FMN1: variants seen among roughly 807,000 people sequenced by gnomAD.
The protein encoded by FMN1 is formin-1.
In FMN1, 110 loss-of-function variants were observed where a neutral mutation model predicts 132.4. The observed-to-expected ratio is 0.83, with a 90% CI of 0.71 to 0.97. The LOEUF is 0.97. FMN1 is among the 50% of genes least tolerant of loss of function. The pLI, the probability that FMN1 is intolerant of heterozygous loss-of-function variation, is 0.00. For synonymous variants in FMN1, 722 were observed against 651.7 expected (o/e 1.11, Z -1.64); for missense variants, 1,792 against 1,705.3 (o/e 1.05, Z -0.90).
chr15:32,850,141 C>T (rs930591506), intron 17 of FMN1, among the ~76,000 whole-genome samples: 1 of 152,210 alleles, frequency 6.6e-6, no homozygotes, highest in African/African-American at 2.4e-5. Flanking sequence ...TGTTCTCTAG[C>T]CATACTTCTT....
At chr15:33,044,907 A>G (rs533426614) in intron 6 of FMN1, among the ~76,000 whole-genome samples, 1 of 152,350 alleles carries the variant, frequency 6.6e-6, no homozygotes, top group African/African-American at 2.4e-5. Context: ...TTGTGAGACA[A>G]GAACTTGGGA....
chr15:33,100,566 T>C (rs899090778), intron 4 of FMN1, among the ~76,000 whole-genome samples: 1 of 152,126 alleles, frequency 6.6e-6, no homozygotes, highest in African/African-American at 2.4e-5. Flanking sequence ...AGAGAAGCAG[T>C]TGCAGCAACA....
At chr15:32,816,822 C>T (rs1298491692) in intron 17 of FMN1, among the ~76,000 whole-genome samples, 1 of 152,200 alleles carries the variant, frequency 6.6e-6, no homozygotes, top group Non-Finnish European at 1.5e-5. Context: ...TTTATTCACA[C>T]CTTATACTCA....
At chr15:32,822,408 T>C (rs759775299) in intron 17 of FMN1, among the ~76,000 whole-genome samples, 35 of 152,204 alleles carry the variant, frequency 2.3e-4, no homozygotes, top group Admixed American at 1.4e-3. Flanking sequence ...AGGCTCTGCG[T>C]TTCTCAAAAG....
At chr15:32,843,335 C>T (rs867447194) in intron 17 of FMN1, among the ~76,000 whole-genome samples, 21 of 152,174 alleles carry the variant, frequency 1.4e-4, no homozygotes, top group Middle Eastern at 3.2e-3. Context: ...CACGCTGGAA[C>T]CTATTTCACA....
At chr15:33,098,770 C>T (rs1445006966) in intron 4 of FMN1, among the ~76,000 whole-genome samples, 1 of 152,172 alleles carries the variant, frequency 6.6e-6, no homozygotes, top group Non-Finnish European at 1.5e-5. Context: ...TCTTCTACCA[C>T]CACAGCTCTT....
chr15:33,009,199 A>C (rs1341643420), intron 6 of FMN1, among the ~76,000 whole-genome samples: 1 of 152,156 alleles, frequency 6.6e-6, no homozygotes, highest in Non-Finnish European at 1.5e-5. Context: ...GGTAGTGACC[A>C]CTTGTCATTA....
chr15:32,787,169 A>C (rs2056908771), intron 19 of FMN1, among the ~76,000 whole-genome samples: 1 of 152,364 alleles, frequency 6.6e-6, no homozygotes, highest in South Asian at 2.1e-4. Context: ...CAACAAACTC[A>C]TTAATTTCTC....
chr15:32,823,254 T>C (rs771466981), intron 17 of FMN1, among the ~76,000 whole-genome samples: 21 of 143,030 alleles, frequency 1.5e-4, no homozygotes, highest in East Asian at 1.3e-3. Context: ...CTCTGCCTCC[T>C]GGGTTCACAC....
At chr15:32,850,249 T>A (rs1056042754) in intron 17 of FMN1, among the ~76,000 whole-genome samples, 1 of 152,238 alleles carries the variant, frequency 6.6e-6, no homozygotes, top group Non-Finnish European at 1.5e-5. Flanking sequence ...CCTTAGTGGT[T>A]GAATATGGTG....
At chr15:33,088,122 G>A (rs925631760) in intron 5 of FMN1, among the ~76,000 whole-genome samples, 2 of 152,074 alleles carry the variant, frequency 1.3e-5, no homozygotes, top group African/African-American at 2.4e-5. Context: ...CTGCTTACAT[G>A]ATGGGTGCAC....
intron 17 of FMN1, among the ~76,000 whole-genome samples, chr15:32,826,195 T>C (rs1333412817): frequency 6.6e-6 from 1 of 152,182 alleles, no homozygotes; most frequent in South Asian, 2.1e-4. Context: ...TTCCCACACA[T>C]GTCAAGAGGG....
chr15:32,908,006 T>G (rs533378215), intron 12 of FMN1, among the ~76,000 whole-genome samples: 3 of 151,572 alleles, frequency 2.0e-5, no homozygotes. Context: ...ATGTACAGAG[T>G]GAGGGTGAGA....
rs189244045 is a variant in FMN1 at position 33,076,214 on chromosome 15, C to T, written c.2044-11140G>A. On this transcript the variant is annotated intron_variant, in intron 5 of 20. Transcript: ENST00000616417. ...TTCCCAAAGTGAAGGCATAATATTG[C>T]TGTTCCATATGGCTAATGACAGCAG... Among the ~76,000 whole-genome samples the T allele has an allele frequency of 2.9e-4, 44 of 152,240 alleles. No homozygotes were observed. The East Asian group carries it at 7.5e-3, about 26-fold the overall frequency.
chr15:32,962,447 C>T (rs2030681038), intron 9 of FMN1, among the ~76,000 whole-genome samples: 1 of 151,874 alleles, frequency 6.6e-6, no homozygotes, highest in Middle Eastern at 3.2e-3. Flanking sequence ...GACTTCATGT[C>T]TAAAACACCA....
chr15:33,010,575 T>A lies in FMN1; in HGVS notation c.2162-2500A>T, dbSNP rs533675281. 3.3e-5 allele frequency among the ~76,000 whole-genome samples: 5 copies of A among 152,274 alleles called. 1 individual carries two copies. The South Asian group carries it at 1.0e-3, about 32-fold the overall frequency. On this transcript the variant is annotated intron_variant, in intron 6 of 20. Transcript: ENST00000616417. ...TTGTTGATATTCATCATTTTTCTACTGCTACTAGCAGATGTAATGGATGAG... is the reference window on the plus strand; with the variant it reads ...TTGTTGATATTCATCATTTTTCTACAGCTACTAGCAGATGTAATGGATGAG...
At chr15:32,793,363 T>G (rs895233038) in intron 19 of FMN1, among the ~76,000 whole-genome samples, 3 of 152,190 alleles carry the variant, frequency 2.0e-5, no homozygotes, top group Non-Finnish European at 4.4e-5. Context: ...CACTGCAACC[T>G]TCGCCTCCCA....
intron 8 of FMN1, among the ~76,000 whole-genome samples, chr15:32,966,849 C>T (rs1312509640): frequency 1.3e-5 from 2 of 152,192 alleles, no homozygotes; most frequent in African/African-American, 4.8e-5. Context: ...CAAATAATTG[C>T]ACTTTTGCTC....
chr15:32,972,820 A>T (rs1375651710), intron 7 of FMN1, among the ~76,000 whole-genome samples: 2 of 152,190 alleles, frequency 1.3e-5, no homozygotes, highest in African/African-American at 4.8e-5. Context: ...TAATCTACTT[A>T]AATATTTAAC....
Sources: gnomAD v4.1 joint callset for allele counts (sites outside exome capture counted in the v4.1 genomes callset) on GRCh38, gnomAD v4.1.1 for gene constraint, MANE v1.5 for transcripts, NCBI Gene and HGNC (gene_info 2026-07-23, HGNC 2026-07-21) for gene names.